Variants in HSD17B6 observed in about 807,000 individuals in gnomAD.
HSD17B6 encodes the protein 17-beta-hydroxysteroid dehydrogenase type 6.
Under a neutral mutation model 26.4 loss-of-function variants are expected in HSD17B6, and 16 were observed. The ratio of observed to expected loss-of-function variants is 0.61; its 90% confidence interval spans 0.41 to 0.92. HSD17B6 has a LOEUF of 0.92. Ranked by LOEUF, HSD17B6 falls within the 40% of genes least tolerant of loss-of-function variation. HSD17B6 has a pLI of 0.00. For synonymous variants in HSD17B6, 139 were observed against 153.0 expected (o/e 0.91, Z 0.68); for missense variants, 357 against 386.1 (o/e 0.92, Z 0.63).
chr12:56,773,099 C>T (rs1027511228), intron 1 of HSD17B6, among the ~76,000 whole-genome samples: 4 of 152,208 alleles, frequency 2.6e-5, no homozygotes, highest in African/African-American at 9.6e-5. Context: ...TGTGAACACT[C>T]ATTTCAACAA....
intron 1 of HSD17B6, chr12:56,770,302 C>T (rs965492596): frequency 1.3e-5 from 2 of 152,632 alleles, no homozygotes; most frequent in African/African-American, 4.8e-5. Context: ...GCCTTCTCTC[C>T]TCTCCTTCCC....
chr12:56,764,614 A>AC (rs1444617478), intron 1 of HSD17B6, among the ~76,000 whole-genome samples: 4 of 152,180 alleles, frequency 2.6e-5, no homozygotes, highest in African/African-American at 9.7e-5. Flanking sequence ...ACCCAAAATA[A>AC]TACTAATATC....
At chr12:56,780,840 C>CAA (rs59227954) in intron 2 of HSD17B6, among the ~76,000 whole-genome samples, 1,272 of 62,978 alleles carry the variant, frequency 0.02, 30 homozygotes, top group African/African-American at 0.03. Flanking sequence ...GACTCCGTCT[C>CAA]AAAAAAAAAA....
chr12:56,774,174 T>G lies in HSD17B6; in HGVS notation c.313+9T>G. 6.5e-7 allele frequency: 1 copy of G among 1,530,110 alleles called. No homozygotes were observed. Among genetic ancestry groups the G allele is most frequent in the Non-Finnish European group, 8.8e-7 (1 of 1,138,878 alleles). The allele number at this position is 1,530,110 out of a possible 1,614,324, so 94.8% of individuals were successfully genotyped here. ...GCATGTGGGGGACAGAGGTATGAAATATTTTCTCCTTTTATTTACTTAGCA... is the reference window on the plus strand; with the variant it reads ...GCATGTGGGGGACAGAGGTATGAAAGATTTTCTCCTTTTATTTACTTAGCA... On this transcript the variant is annotated intron_variant, in intron 2 of 4. Transcript: ENST00000322165.
At position 56,773,969 on chromosome 12, in the gene HSD17B6, G is replaced by A; in HGVS notation, c.117G>A (p.Ser39=). The change falls in exon 2 of 5, where the codon TCG becomes TCA. Residue 39 remains serine, a synonymous_variant. Transcript: ENST00000322165. ...ATGTCTTTATCACGGGCTGTGACTC[G>A]GGCTTTGGGAACCTGCTGGCCAGAC... ...DKYVFITGCD[S]GFGNLLARQL... is the part of the protein sequence containing the mutation. 6.2e-6 allele frequency: 10 copies of A among 1,614,094 alleles called. No individual in the cohort carries two copies. Among genetic ancestry groups the A allele is most frequent in the Middle Eastern group, 1.6e-4 (1 of 6,062 alleles).
chr12:56,773,959 G>A lies in HSD17B6; in HGVS notation c.107G>A (p.Gly36Asp), dbSNP rs1565918105. 6.2e-7 allele frequency: 1 copy of A among 1,614,144 alleles called. No homozygotes were observed. The highest frequency in any genetic ancestry group is 8.5e-7 in the Non-Finnish European group (1 of 1,180,014). Residue 36 changes from glycine to aspartate, a missense_variant, in exon 2 of 5, where the codon GGC (glycine) becomes GAC (aspartate). Coordinates refer to ENST00000322165, the MANE Select transcript of HSD17B6 (RefSeq NM_003725.4). ...HLQDKYVFITGCDSGFGNLLA... is the reference protein window; with the variant it reads ...HLQDKYVFITDCDSGFGNLLA... ...CAAGACAAGTATGTCTTTATCACGG[G>A]CTGTGACTCGGGCTTTGGGAACCTG...
At chr12:56,773,371 G>A (rs905591682) in intron 1 of HSD17B6, among the ~76,000 whole-genome samples, 3 of 152,088 alleles carry the variant, frequency 2.0e-5, no homozygotes, top group Non-Finnish European at 4.4e-5. Context: ...TTCATGATTT[G>A]GCCCTTCACT....
At chr12:56,774,456 C>A (rs1015089915) in intron 2 of HSD17B6, among the ~76,000 whole-genome samples, 1 of 152,166 alleles carries the variant, frequency 6.6e-6, no homozygotes, top group Admixed American at 6.5e-5. Context: ...CCGTCCCCAG[C>A]CTTTTTGGCA....
intron 3 of HSD17B6, among the ~76,000 whole-genome samples, chr12:56,783,086 C>G (rs893640167): frequency 2.0e-5 from 3 of 152,242 alleles, no homozygotes; most frequent in Admixed American, 2.0e-4. Context: ...AATCTTTTCC[C>G]CACCTTGCCC....
chr12:56,774,423 T>G (rs765965277), intron 2 of HSD17B6, among the ~76,000 whole-genome samples: 4 of 152,170 alleles, frequency 2.6e-5, no homozygotes, highest in Non-Finnish European at 5.9e-5. Context: ...TAAATAGTAG[T>G]TATACTGTAT....
chr12:56,773,779 A>T, intron 1 of HSD17B6, 55 bp from the exon 2 acceptor site: 1 of 1,451,780 alleles, frequency 6.9e-7, no homozygotes, highest in Non-Finnish European at 9.3e-7. Flanking sequence ...AATACTGAAT[A>T]GATATATTGG....
chr12:56,785,281 G>A (rs1414959486), intron 4 of HSD17B6, among the ~76,000 whole-genome samples: 2 of 152,120 alleles, frequency 1.3e-5, no homozygotes, highest in African/African-American at 4.8e-5. Context: ...ACTACTAAAA[G>A]AACAGCATAT....
intron 2 of HSD17B6, among the ~76,000 whole-genome samples, chr12:56,776,665 T>C (rs1954601726): frequency 6.6e-6 from 1 of 152,126 alleles, no homozygotes; most frequent in Admixed American, 6.6e-5. Context: ...TGTTTTGTTT[T>C]GTTGAGATGG....
chr12:56,777,366 T>TTTTTTA, intron 2 of HSD17B6, among the ~76,000 whole-genome samples: 1 of 50,054 alleles, frequency 2.0e-5, no homozygotes, highest in South Asian at 3.8e-4. Context: ...AAAGTGTAAA[T>TTTTTTA]TTTTTTTTTT....
chr12:56,787,080 A>G (rs1244356114), intron 4 of HSD17B6, 45 bp from the exon 5 acceptor site: 1 of 1,420,196 alleles, frequency 7.0e-7, no homozygotes, highest in Middle Eastern at 1.8e-4. Flanking sequence ...TCTTAAAAAT[A>G]TAAGGAATAA....
chr12:56,777,365 A>T (rs983849492), intron 2 of HSD17B6, among the ~76,000 whole-genome samples: 1 of 138,908 alleles, frequency 7.2e-6, no homozygotes, highest in Non-Finnish European at 1.5e-5. Flanking sequence ...CAAAGTGTAA[A>T]TTTTTTTTTT....
At chr12:56,771,359 G>T (rs1954467947) in intron 1 of HSD17B6, among the ~76,000 whole-genome samples, 1 of 151,626 alleles carries the variant, frequency 6.6e-6, no homozygotes, top group African/African-American at 2.4e-5. Flanking sequence ...GACCTGTCTT[G>T]TAGGGTTCTT....
chr12:56,774,062 G>A lies in HSD17B6; in HGVS notation c.210G>A (p.Arg70=). The change falls in exon 2 of 5, where the codon AGG becomes AGA. Residue 70 remains arginine (R), a synonymous_variant. Transcript: ENST00000322165. ...CGGAGAAGGGGGCCGAGCAGCTGAG[G>A]GGCCAGACGTCTGACAGGCTGGAGA... ...CLTEKGAEQL[R]GQTSDRLETV... is the part of the protein sequence containing the mutation. 1.2e-6 allele frequency: 2 copies of A among 1,614,118 alleles called. No homozygotes were observed. The highest frequency in any genetic ancestry group is 1.7e-6 in the Non-Finnish European group (2 of 1,179,976).
chr12:56,774,242 C>A, intron 2 of HSD17B6, 77 bp downstream of exon 2: 1 of 1,353,988 alleles, frequency 7.4e-7, no homozygotes. Context: ...CTTGGTGTCT[C>A]CTGGGGATTG....
Sources: allele counts gnomAD v4.1 joint callset (sites outside exome capture counted in the v4.1 genomes callset), GRCh38; gene constraint gnomAD v4.1.1; transcripts MANE v1.5; gene names NCBI Gene and HGNC (gene_info 2026-07-23, HGNC 2026-07-21).